Variants in PRKCA observed in about 807,000 individuals in gnomAD.
The protein encoded by PRKCA is protein kinase C alpha, also known as protein kinase C alpha type.
Under a neutral mutation model 87.0 loss-of-function variants are expected in PRKCA, and 27 were observed. The observed-to-expected ratio is 0.31, with a 90% confidence interval of 0.23 to 0.43. The LOEUF is 0.43. Ranked by LOEUF, PRKCA falls within the 20% of genes least tolerant of loss-of-function variation. The pLI is 1.00. For synonymous variants in PRKCA, 329 were observed against 311.1 expected (o/e 1.06, Z -0.61); for missense variants, 518 against 852.3 (o/e 0.61, Z 4.88).
At position 66,804,924 on chromosome 17, in the gene PRKCA, C is replaced by T. The variant is rs1975995609; in HGVS notation, c.*887C>T. ...GTTCACCAACACCCACCCCCACACA[C>T]ACCAACATTTTGCTGCCTACCTTGT... On this transcript the variant is annotated 3_prime_UTR_variant, in exon 17 of 17. Transcript: ENST00000413366. 9.8e-6 allele frequency: 9 copies of T among 914,562 alleles called. No individual in the cohort carries two copies. The highest frequency in any genetic ancestry group is 1.8e-5 in the African/African-American group (1 of 55,580). The allele number at this position is 914,562 out of a possible 1,614,324, so 56.7% of individuals were successfully genotyped here. A position where few individuals can be genotyped will look rare whatever the true frequency, so the allele number is the denominator to read the frequency against.
chr17:66,384,478 T>A (rs934792596), intron 2 of PRKCA, among the ~76,000 whole-genome samples: 4 of 152,254 alleles, frequency 2.6e-5, no homozygotes, highest in Non-Finnish European at 5.9e-5. Context: ...GATTTGCTCA[T>A]TTTTAGAATA....
chr17:66,458,201 G>A (rs1183196730), intron 2 of PRKCA, among the ~76,000 whole-genome samples: 1 of 152,194 alleles, frequency 6.6e-6, no homozygotes, highest in Non-Finnish European at 1.5e-5. Context: ...ATGAAAGAAA[G>A]CCTATTTCGC....
intron 3 of PRKCA, among the ~76,000 whole-genome samples, chr17:66,610,606 G>A (rs9908814): frequency 0.15 from 23,258 of 152,130 alleles, 1,862 homozygotes; most frequent in Middle Eastern, 0.17. Flanking sequence ...TGCTTGAGTC[G>A]CAAAGGAAAT....
intron 2 of PRKCA, among the ~76,000 whole-genome samples, chr17:66,487,453 G>A (rs569297622): frequency 6.6e-6 from 1 of 151,684 alleles, no homozygotes; most frequent in South Asian, 2.1e-4. Context: ...CTGTATCTTG[G>A]TTATTGTGAG....
At chr17:66,442,403 T>G (rs1242396248) in intron 2 of PRKCA, among the ~76,000 whole-genome samples, 2 of 152,066 alleles carry the variant, frequency 1.3e-5, no homozygotes, top group African/African-American at 2.4e-5. Context: ...CTGGCCTCCC[T>G]GTACCCATTC....
intron 8 of PRKCA, among the ~76,000 whole-genome samples, chr17:66,726,073 G>A (rs567287144): frequency 6.6e-6 from 1 of 152,230 alleles, no homozygotes; most frequent in Non-Finnish European, 1.5e-5. Flanking sequence ...CGGGCACCTC[G>A]GGCTCCCTCT....
intron 3 of PRKCA, among the ~76,000 whole-genome samples, chr17:66,625,387 C>A (rs899053235): frequency 6.6e-6 from 1 of 152,190 alleles, no homozygotes; most frequent in African/African-American, 2.4e-5. Flanking sequence ...GGGTTCCTCT[C>A]TACTCTGCTG....
intron 8 of PRKCA, among the ~76,000 whole-genome samples, chr17:66,717,479 G>A (rs1233226704): frequency 1.3e-5 from 2 of 152,190 alleles, no homozygotes; most frequent in Non-Finnish European, 1.5e-5. Flanking sequence ...GACATATCGC[G>A]GTGCCCCCTG....
chr17:66,622,643 C>T (rs572344854), intron 3 of PRKCA, among the ~76,000 whole-genome samples: 27 of 152,258 alleles, frequency 1.8e-4, no homozygotes, highest in Non-Finnish European at 3.1e-4. Context: ...TCCATTTTCA[C>T]GCTGCTGATA....
chr17:66,432,222 G>A (rs1483505093), intron 2 of PRKCA, among the ~76,000 whole-genome samples: 1 of 152,162 alleles, frequency 6.6e-6, no homozygotes, highest in Admixed American at 6.5e-5. Context: ...CAGGCTTTGA[G>A]AGGTGGGAGT....
chr17:66,699,216 A>C (rs1401387337), intron 8 of PRKCA, among the ~76,000 whole-genome samples: 1 of 151,318 alleles, frequency 6.6e-6, no homozygotes, highest in African/African-American at 2.4e-5. Context: ...CTCTCAAAAA[A>C]AAAAAAAAAA....
intron 13 of PRKCA, among the ~76,000 whole-genome samples, chr17:66,768,742 G>C (rs1288989096): frequency 1.3e-5 from 2 of 152,166 alleles, no homozygotes; most frequent in Non-Finnish European, 2.9e-5. Flanking sequence ...ACAGCAAGGG[G>C]AAATCCGCCC....
intron 2 of PRKCA, among the ~76,000 whole-genome samples, chr17:66,482,122 A>G (rs905748769): frequency 1.4e-4 from 20 of 146,930 alleles, no homozygotes; most frequent in Admixed American, 3.3e-4. Flanking sequence ...AAAAAAGAAA[A>G]AAAGAAAAAA....
At chr17:66,501,083 T>A (rs1916712191) in intron 3 of PRKCA, among the ~76,000 whole-genome samples, 1 of 152,162 alleles carries the variant, frequency 6.6e-6, no homozygotes, top group South Asian at 2.1e-4. Context: ...GGTACAATCC[T>A]TGTGAAATCC....
rs61762760 is a variant in PRKCA, at chr17:66,773,910, A to C, written c.1525-77A>C. On this transcript the variant is annotated intron_variant, in intron 13 of 16. Transcript: ENST00000413366. ...GCATGAACTGAGTGTATAAATGCCT[A>C]CCTGCTTGACTTACCTGTTCTGACA... 401 of 1,598,586 alleles carry C rather than the reference A, an allele frequency of 2.5e-4. 2 individuals are homozygous for C. In the African/African-American group the frequency reaches 4.6e-3, roughly 18 times the overall value.
intron 3 of PRKCA, among the ~76,000 whole-genome samples, chr17:66,515,204 C>T (rs980486331): frequency 1.2e-4 from 17 of 144,136 alleles, no homozygotes; most frequent in South Asian, 2.2e-4. Context: ...TGCAGTGAGC[C>T]GAGGTTGCAG....
intron 16 of PRKCA, among the ~76,000 whole-genome samples, chr17:66,791,957 G>A (rs1975548695): frequency 2.0e-5 from 3 of 152,170 alleles, no homozygotes; most frequent in African/African-American, 7.2e-5. Flanking sequence ...TCTCTAACGG[G>A]TCATTTTGTT....
chr17:66,405,438 C>T (rs1194060394), intron 2 of PRKCA, among the ~76,000 whole-genome samples: 1 of 152,216 alleles, frequency 6.6e-6, no homozygotes, highest in African/African-American at 2.4e-5. Flanking sequence ...CTGTGATGCT[C>T]TCTGGATCGG....
In PRKCA at chr17:66,609,217, T is replaced by C. The variant is rs142587445; in HGVS notation, c.289-32138T>C. Among the ~76,000 whole-genome samples the C allele has an allele frequency of 6.5e-3, 990 of 152,336 alleles. 12 individuals carry two copies. Among genetic ancestry groups the C allele is most frequent in the African/African-American group, 0.022 (928 of 41,568 alleles). On this transcript the variant is annotated intron_variant, in intron 3 of 16. Transcript: ENST00000413366. ...TGAGTGTTTTTGAGATGTTTTTCTT[T>C]CTTCACACATTTTTCTAAGATCCTT...
Sources: gnomAD v4.1 joint callset for allele counts (sites outside exome capture counted in the v4.1 genomes callset) on GRCh38, gnomAD v4.1.1 for gene constraint, MANE v1.5 for transcripts, NCBI Gene and HGNC (gene_info 2026-07-23, HGNC 2026-07-21) for gene names.